Variants in STX17 observed in about 807,000 individuals in gnomAD.
STX17 encodes syntaxin 17, also known as syntaxin-17.
STX17 carries 29 observed loss-of-function variants against 35.9 expected under a neutral mutation model. The observed-to-expected ratio is 0.81, with a 90% CI of 0.60 to 1.10. The LOEUF (loss-of-function observed/expected upper bound fraction) is 1.10. Among genes scored for constraint, STX17 ranks in the 50% least tolerant of loss-of-function variants. The pLI is 0.00. For synonymous variants in STX17, 92 were observed against 118.3 expected, an observed-to-expected ratio of 0.78 and a Z score of 1.44; for missense variants, 312 against 352.3, an observed-to-expected ratio of 0.89 and a Z score of 0.92.
At chr9:99,957,083 G>A (rs1328652939) in intron 4 of STX17, among the ~76,000 whole-genome samples, 1 of 152,130 alleles carries the variant, frequency 6.6e-6, no homozygotes, top group Non-Finnish European at 1.5e-5. Context: ...GCTTATACTT[G>A]TAACTTGTCT....
rs1438944142 is a variant in STX17, at chr9:99,968,301, G to A, written c.670-133G>A. ...GAATACTTTCTTTTCCCCCCTACAA[G>A]TACAGTCTCTAAGGTTAATTATGTA... On this transcript the variant is annotated intron_variant, in intron 7 of 7. Transcript: ENST00000259400. 4.4e-6 allele frequency: 5 copies of A among 1,143,518 alleles called. No individual in the cohort carries two copies. The East Asian group carries it at 7.7e-5, about 18-fold the overall frequency. 70.8% of individuals were successfully genotyped at this position (1,143,518 alleles called of 1,614,324 possible). A position where few individuals can be genotyped will look rare whatever the true frequency, so the allele number is the denominator to read the frequency against.
At chr9:99,924,448 G>T (rs1035942941) in intron 2 of STX17, among the ~76,000 whole-genome samples, 8 of 151,922 alleles carry the variant, frequency 5.3e-5, no homozygotes, top group African/African-American at 1.9e-4. Flanking sequence ...GACACCATCA[G>T]TTAATAGTTT....
intron 6 of STX17, among the ~76,000 whole-genome samples, chr9:99,965,845 T>TC (rs1197494544): frequency 6.6e-6 from 1 of 152,160 alleles, no homozygotes; most frequent in African/African-American, 2.4e-5. Flanking sequence ...TTTCTATTTT[T>TC]CCCCCCTCAC....
At chr9:99,934,011 A>G (rs1023064054) in intron 3 of STX17, among the ~76,000 whole-genome samples, 7 of 152,212 alleles carry the variant, frequency 4.6e-5, no homozygotes, top group Non-Finnish European at 8.8e-5. Flanking sequence ...TATTTAAACA[A>G]TAGTTTAAAA....
chr9:99,932,600 A>G (rs1211659369), intron 3 of STX17, among the ~76,000 whole-genome samples: 1 of 152,170 alleles, frequency 6.6e-6, no homozygotes, highest in East Asian at 1.9e-4. Flanking sequence ...TAAAAATCAC[A>G]TGATTTGGTT....
chr9:99,948,155 A>G (rs1275302625), intron 3 of STX17, among the ~76,000 whole-genome samples: 1 of 152,088 alleles, frequency 6.6e-6, no homozygotes, highest in Non-Finnish European at 1.5e-5. Context: ...TATCCAATGT[A>G]GTAGCTCCTA....
At chr9:99,943,285 C>T (rs1258544975) in intron 3 of STX17, among the ~76,000 whole-genome samples, 1 of 151,772 alleles carries the variant, frequency 6.6e-6, no homozygotes, top group African/African-American at 2.4e-5. Flanking sequence ...AGGCGCATAC[C>T]ACCTCGCCCG....
intron 3 of STX17, among the ~76,000 whole-genome samples, chr9:99,935,810 A>G (rs139041659): frequency 2.0e-4 from 30 of 152,308 alleles, no homozygotes; most frequent in African/African-American, 7.0e-4. Flanking sequence ...GGCATAAACC[A>G]TGGGGAATAG....
rs2118555357 is a variant in STX17, at chr9:99,969,565, T to G, written c.*892T>G. ...TAAAAAGAAAAGAAAAAAAGAAATT[T>G]CGAGATATTTTCAACATTGTTAGAG... On this transcript the variant is annotated 3_prime_UTR_variant, in exon 8 of 8. Transcript: ENST00000259400. 1 of 152,504 alleles carries G rather than the reference T, an allele frequency of 6.6e-6. No individual in the cohort carries two copies. Among genetic ancestry groups the G allele is most frequent in the Non-Finnish European group, 1.5e-5 (1 of 68,036 alleles). 9.4% of individuals were successfully genotyped at this position (152,504 alleles called of 1,614,324 possible). A position where few individuals can be genotyped will look rare whatever the true frequency, so the allele number is the denominator to read the frequency against.
At chr9:99,912,949 T>C (rs113506937) in intron 1 of STX17, among the ~76,000 whole-genome samples, 249 of 152,320 alleles carry the variant, frequency 1.6e-3, no homozygotes, top group Non-Finnish European at 2.9e-3. Context: ...TAAACTCTCT[T>C]AGTCCTTGTA....
intron 2 of STX17, among the ~76,000 whole-genome samples, chr9:99,928,371 ATACT>A (rs1222993738): frequency 1.0e-5 from 1 of 99,176 alleles, no homozygotes; most frequent in Non-Finnish European, 2.1e-5. Context: ...TTAGTTTTCA[ATACT>A]TAACACTATC....
At chr9:99,959,815 GACACCATTTA>G in intron 4 of STX17, 92 bp from the exon 5 acceptor site, 1 of 850,218 alleles carries the variant, frequency 1.2e-6, no homozygotes, top group Non-Finnish European at 1.9e-6. Context: ...AATTTAATTA[GACACCATTTA>G]ACGTGGCATT....
chr9:99,926,776 G>A (rs1828994693), intron 2 of STX17, among the ~76,000 whole-genome samples: 1 of 152,188 alleles, frequency 6.6e-6, no homozygotes, highest in South Asian at 2.1e-4. Flanking sequence ...GGGATTACAG[G>A]CGTGAGCCAC....
chr9:99,967,506 A>G (rs1829939059), intron 6 of STX17, 147 bp from the exon 7 acceptor site: 5 of 441,214 alleles, frequency 1.1e-5, no homozygotes, highest in Admixed American at 6.9e-5. Context: ...TCCTTTCGAC[A>G]TGGCTTATCA....
At position 99,973,541 on chromosome 9, in the gene STX17, A is replaced by C. The variant is rs1450421068; in HGVS notation, c.*4868A>C. Among the ~76,000 whole-genome samples, 4 of 152,152 alleles carry C rather than the reference A, an allele frequency of 2.6e-5. No individual in the cohort carries two copies. The highest frequency in any genetic ancestry group is 5.9e-5 in the Non-Finnish European group (4 of 68,028). On this transcript the variant is annotated 3_prime_UTR_variant, in exon 8 of 8. Coordinates refer to ENST00000259400, the MANE Select transcript of STX17 (RefSeq NM_017919.3). ...CTCCCATCCCAGCCATGAATCTTTCAACCTTAGTGGTCACCAACTTGACTC... is the reference window on the plus strand; with the variant it reads ...CTCCCATCCCAGCCATGAATCTTTCCACCTTAGTGGTCACCAACTTGACTC...
intron 1 of STX17, among the ~76,000 whole-genome samples, chr9:99,911,201 A>C (rs1828656122): frequency 6.6e-6 from 1 of 151,896 alleles, no homozygotes; most frequent in Non-Finnish European, 1.5e-5. Flanking sequence ...ACGCCTGGCT[A>C]ATTTTTTGTA....
intron 3 of STX17, among the ~76,000 whole-genome samples, chr9:99,945,275 G>A (rs1829457279): frequency 6.6e-6 from 1 of 152,040 alleles, no homozygotes; most frequent in African/African-American, 2.4e-5. Flanking sequence ...TGCATTATAT[G>A]TATTGTGGGT....
chr9:99,936,434 AT>A, intron 3 of STX17, among the ~76,000 whole-genome samples: 1 of 152,180 alleles, frequency 6.6e-6, no homozygotes, highest in East Asian at 1.9e-4. Flanking sequence ...TTGCTTAATG[AT>A]TAATGATGTT....
intron 4 of STX17, among the ~76,000 whole-genome samples, chr9:99,953,090 T>C (rs187017881): frequency 6.6e-6 from 1 of 152,130 alleles, no homozygotes; most frequent in Admixed American, 6.6e-5. Context: ...GCCCATTTTT[T>C]CTTTTTTTAT....
Sources: allele counts gnomAD v4.1 joint callset (sites outside exome capture counted in the v4.1 genomes callset), GRCh38; gene constraint gnomAD v4.1.1; transcripts MANE v1.5; gene names NCBI Gene and HGNC (gene_info 2026-07-23, HGNC 2026-07-21).